The following KCNH7 variants were observed in gnomAD, a reference collection of about 807,000 sequenced individuals.
KCNH7 encodes potassium voltage-gated channel subfamily H member 7, also known as voltage-gated inwardly rectifying potassium channel KCNH7.
KCNH7 carries 49 observed loss-of-function variants against 120.8 expected under a neutral mutation model. The ratio of observed to expected loss-of-function variants is 0.41; its 90% confidence interval spans 0.32 to 0.51. KCNH7 has a LOEUF of 0.51. Ranked by LOEUF, KCNH7 falls within the 20% of genes least tolerant of loss-of-function variation. The pLI, the probability that KCNH7 is intolerant of heterozygous loss-of-function variation, is 0.38. For missense variants in KCNH7, 1,097 were observed against 1,446.6 expected, an observed-to-expected ratio of 0.76 and a Z score of 3.92; for synonymous variants, 547 against 516.1, an observed-to-expected ratio of 1.06 and a Z score of -0.81.
At chr2:162,462,301 A>G (rs190033769) in intron 6 of KCNH7, among the ~76,000 whole-genome samples, 1 of 152,226 alleles carries the variant, frequency 6.6e-6, no homozygotes, top group East Asian at 1.9e-4. Flanking sequence ...CCTGGGATGT[A>G]CTGGTGGGCT....
At chr2:162,562,732 A>C (rs1693118108) in intron 2 of KCNH7, among the ~76,000 whole-genome samples, 1 of 152,126 alleles carries the variant, frequency 6.6e-6, no homozygotes, top group Non-Finnish European at 1.5e-5. Context: ...AAAGCGATGG[A>C]ATCTTGCAAA....
At chr2:162,443,066 C>T (rs1461121147) in intron 7 of KCNH7, among the ~76,000 whole-genome samples, 1 of 151,984 alleles carries the variant, frequency 6.6e-6, no homozygotes, top group African/African-American at 2.4e-5. Context: ...CAACAAAATC[C>T]CTGCCACTTT....
intron 2 of KCNH7, among the ~76,000 whole-genome samples, chr2:162,819,347 G>A (rs552499262): frequency 1.3e-5 from 2 of 152,134 alleles, no homozygotes; most frequent in South Asian, 4.2e-4. Context: ...AAATTCAAAT[G>A]GCCCAGCAAA....
intron 2 of KCNH7, among the ~76,000 whole-genome samples, chr2:162,594,225 A>G (rs1694301393): frequency 1.1e-5 from 1 of 92,154 alleles, no homozygotes; most frequent in South Asian, 3.6e-4. Context: ...CTAGTTTATA[A>G]CCAGTAAGTA....
intron 2 of KCNH7, among the ~76,000 whole-genome samples, chr2:162,687,699 T>C (rs1006466920): frequency 7.9e-5 from 12 of 152,118 alleles, no homozygotes; most frequent in African/African-American, 2.7e-4. Flanking sequence ...AGCACACCAC[T>C]GGTAAAGACC....
At chr2:162,771,624 T>C (rs1167170633) in intron 2 of KCNH7, among the ~76,000 whole-genome samples, 1 of 152,164 alleles carries the variant, frequency 6.6e-6, no homozygotes, top group East Asian at 1.9e-4. Flanking sequence ...AACTTTAATA[T>C]GAAAAGTATT....
intron 2 of KCNH7, among the ~76,000 whole-genome samples, chr2:162,715,216 G>C (rs1687070384): frequency 6.6e-6 from 1 of 152,134 alleles, no homozygotes; most frequent in Non-Finnish European, 1.5e-5. Context: ...AAGCCTCAGG[G>C]AGCTTACAAT....
At chr2:162,716,236 C>G (rs1284321716) in intron 2 of KCNH7, among the ~76,000 whole-genome samples, 1 of 152,006 alleles carries the variant, frequency 6.6e-6, no homozygotes, top group African/African-American at 2.4e-5. Context: ...TGAAACAAGG[C>G]TCTCGTAGTT....
intron 2 of KCNH7, among the ~76,000 whole-genome samples, chr2:162,554,918 G>A (rs537469971): frequency 9.2e-5 from 14 of 152,280 alleles, no homozygotes; most frequent in African/African-American, 2.9e-4. Context: ...ACATGGAATA[G>A]CTTTCATTTA....
intron 6 of KCNH7, among the ~76,000 whole-genome samples, chr2:162,451,689 C>A (rs761256082): frequency 1.4e-4 from 22 of 151,892 alleles, no homozygotes; most frequent in Non-Finnish European, 2.8e-4. Flanking sequence ...GGGTCTCTCT[C>A]TATATATGTA....
intron 8 of KCNH7, among the ~76,000 whole-genome samples, chr2:162,425,286 T>C (rs1039745055): frequency 6.6e-6 from 1 of 152,096 alleles, no homozygotes. Flanking sequence ...TATTCAAACA[T>C]ATATGTCTAT....
chr2:162,496,733 T>C (rs1690511196), intron 6 of KCNH7, among the ~76,000 whole-genome samples: 1 of 152,196 alleles, frequency 6.6e-6, no homozygotes, highest in Admixed American at 6.5e-5. Flanking sequence ...TGAGTCTTTA[T>C]ACAAATAATT....
intron 2 of KCNH7, among the ~76,000 whole-genome samples, chr2:162,747,764 C>A (rs1574336051): frequency 6.6e-6 from 1 of 152,010 alleles, no homozygotes; most frequent in Admixed American, 6.6e-5. Flanking sequence ...ATGGAATCCT[C>A]GATACTCATA....
rs1438026673 is a variant in KCNH7, at chr2:162,570,047, T to C, written c.308-32967A>G. Reference sequence around the variant, plus strand: ...GAGTTCTGTAGATGTCTATTAGGTCTGCTTGGTGCAGAGCTGAGTTCAATT... The same window carrying C: ...GAGTTCTGTAGATGTCTATTAGGTCCGCTTGGTGCAGAGCTGAGTTCAATT... On this transcript the variant is annotated intron_variant, in intron 2 of 15. Transcript: ENST00000332142. 4.6e-3 allele frequency among the ~76,000 whole-genome samples: 645 copies of C among 140,636 alleles called. 6 individuals carry two copies. The highest frequency in any genetic ancestry group is 0.017 in the African/African-American group (606 of 36,488). The allele number at this position is 140,636 out of a possible 152,430, so 92.3% of individuals were successfully genotyped here.
At chr2:162,423,136 T>C in intron 9 of KCNH7, 200 bp downstream of exon 9, 1 of 1,099,302 alleles carries the variant, frequency 9.1e-7, no homozygotes, top group Non-Finnish European at 1.3e-6. Context: ...ATAATGCCTT[T>C]GCCACACAGT....
At chr2:162,763,183 A>C (rs1689024102) in intron 2 of KCNH7, among the ~76,000 whole-genome samples, 1 of 152,144 alleles carries the variant, frequency 6.6e-6, no homozygotes, top group African/African-American at 2.4e-5. Context: ...TTAGTTTCAT[A>C]AATGAATGTA....
intron 6 of KCNH7, among the ~76,000 whole-genome samples, chr2:162,483,061 A>G (rs1689981821): frequency 6.6e-6 from 1 of 152,188 alleles, no homozygotes; most frequent in African/African-American, 2.4e-5. Flanking sequence ...TTAACTCCTC[A>G]TAAGCTAAAG....
Position 162,384,934 on chromosome 2 carries a change from T to C in KCNH7, c.2716A>G (p.Ser906Gly), listed in dbSNP as rs750285154. The part of the protein sequence containing the change: ...SFESEGEKEN[S>G]TNDPEDSADT... ...GCAGAGTCTTCAGGATCATTTGTACTGTTTTCTTTGCCAAAATATATCAAA... is the reference window on the plus strand; with the variant it reads ...GCAGAGTCTTCAGGATCATTTGTACCGTTTTCTTTGCCAAAATATATCAAA... The change falls in exon 13 of 16, where the codon AGT becomes GGT. Residue 906 changes from serine (S) to glycine (G), a missense_variant. Ser to Gly is a moderately conservative substitution (Grantham distance 56). Coordinates refer to ENST00000332142, the MANE Select transcript of KCNH7 (RefSeq NM_033272.4). 4 of 1,595,782 alleles carry C rather than the reference T, an allele frequency of 2.5e-6. No individual in the cohort carries two copies. The South Asian group carries it at 4.6e-5, about 18-fold the overall frequency.
intron 15 of KCNH7, 73 bp from the exon 16 acceptor site, chr2:162,372,168 A>C (rs1254257197): frequency 8.3e-7 from 1 of 1,206,188 alleles, no homozygotes; most frequent in Non-Finnish European, 1.2e-6. Flanking sequence ...ACACTAATAA[A>C]AACTTAAGCA....
Sources: allele counts gnomAD v4.1 joint callset (sites outside exome capture counted in the v4.1 genomes callset), GRCh38; gene constraint gnomAD v4.1.1; transcripts MANE v1.5; gene names NCBI Gene and HGNC (gene_info 2026-07-23, HGNC 2026-07-21).